The following PCDHA9 variants were observed in gnomAD, a reference collection of about 807,000 sequenced individuals.
PCDHA9 encodes the protein protocadherin alpha-9.
A neutral mutation model predicts 62.0 loss-of-function variants in PCDHA9; 62 were observed. That is an observed-to-expected ratio of 1.00 (90% CI 0.81 to 1.23). The LOEUF is 1.23. PCDHA9 is among the 50% of genes most tolerant of loss of function. The pLI, the probability that PCDHA9 is intolerant of heterozygous loss-of-function variation, is 0.00. For synonymous variants in PCDHA9, 557 were observed against 567.6 expected (o/e 0.98, Z 0.27); for missense variants, 1,205 against 1,249.8 (o/e 0.96, Z 0.54).
chr5:140,998,594 T>A (rs1396456161), intron 3 of PCDHA9, among the ~76,000 whole-genome samples: 4 of 152,076 alleles, frequency 2.6e-5, no homozygotes, highest in Non-Finnish European at 5.9e-5. Context: ...GACAGAGTTT[T>A]GCTCTTGTTG....
At chr5:140,927,174 C>G (rs782406584) in intron 1 of PCDHA9, 2 of 1,614,186 alleles carry the variant, frequency 1.2e-6, no homozygotes, top group Non-Finnish European at 8.5e-7. Context: ...CTGCCTGCGT[C>G]TTGACCTACG....
At chr5:140,856,648 T>C in intron 1 of PCDHA9, 1 of 1,598,290 alleles carries the variant, frequency 6.3e-7, no homozygotes, top group Non-Finnish European at 8.6e-7. Context: ...AGCTGCTGGA[T>C]CGTGAAGAAA....
At chr5:140,869,344 A>G (rs540952410) in intron 1 of PCDHA9, 1 of 1,613,990 alleles carries the variant, frequency 6.2e-7, no homozygotes, top group African/African-American at 1.3e-5. Flanking sequence ...AAATCTGCAG[A>G]ATGGCATTTT....
At chr5:140,876,309 TG>T (rs782243460) in intron 1 of PCDHA9, 8 of 1,613,946 alleles carry the variant, frequency 5.0e-6, no homozygotes, top group Non-Finnish European at 6.8e-6. Flanking sequence ...AAATTTCCTA[TG>T]GGATCAAAAT....
Position 140,979,220 on chromosome 5 carries a change from C to T in PCDHA9, c.2453+213C>T, listed in dbSNP as rs552719327. ...TATCAAGTGCTGGCATATAAGAGTC[C>T]TCTGTAAAATCACAGAAACAGGCTG... On this transcript the variant is annotated intron_variant, in intron 2 of 3. Transcript: ENST00000532602. Among the ~76,000 whole-genome samples, 27 of 152,304 alleles carry T rather than the reference C, an allele frequency of 1.8e-4. 1 individual carries two copies. The highest frequency in any genetic ancestry group is 6.3e-4 in the African/African-American group (26 of 41,574).
intron 1 of PCDHA9, chr5:140,862,812 C>G (rs782335970): frequency 1.7e-6 from 1 of 572,078 alleles, no homozygotes; most frequent in Non-Finnish European, 3.4e-6. Context: ...TGCTGCAGTT[C>G]TAGGTGAGAG....
intron 1 of PCDHA9, among the ~76,000 whole-genome samples, chr5:140,892,438 ATT>A (rs2063515415): frequency 6.6e-6 from 1 of 152,198 alleles, no homozygotes; most frequent in African/African-American, 2.4e-5. Context: ...ATTATCTAAA[ATT>A]TACATGTATT....
chr5:140,933,645 G>A lies in PCDHA9; in HGVS notation c.2395-45304G>A, dbSNP rs1014286392. Among the ~76,000 whole-genome samples the A allele has an allele frequency of 3.3e-5, 5 of 151,892 alleles. No individual in the cohort carries two copies. The South Asian group carries it at 8.3e-4, about 25-fold the overall frequency. On this transcript the variant is annotated intron_variant, in intron 1 of 3. Transcript: ENST00000532602. ...TAGGCTGGCCCTGTTAAACAAGTTG[G>A]AAATCCTGTCTCTCTCTCTGTCTCT...
chr5:140,928,280 C>A, intron 1 of PCDHA9: 1 of 1,614,194 alleles, frequency 6.2e-7, no homozygotes, highest in Non-Finnish European at 8.5e-7. Context: ...CCTGGGGCCT[C>A]TCTAGGCCGA....
At chr5:140,969,374 G>A (rs1554231740) in intron 1 of PCDHA9, 1 of 1,606,076 alleles carries the variant, frequency 6.2e-7, no homozygotes, top group South Asian at 1.1e-5. Flanking sequence ...TCATGCATTT[G>A]TTACACATCC....
At chr5:140,999,454 A>G (rs1467435215) in intron 3 of PCDHA9, among the ~76,000 whole-genome samples, 1 of 152,206 alleles carries the variant, frequency 6.6e-6, no homozygotes, top group African/African-American at 2.4e-5. Context: ...CGTTCAACGA[A>G]TAAGTGGTGA....
intron 1 of PCDHA9, chr5:140,966,987 C>T (rs782372991): frequency 6.2e-7 from 1 of 1,604,132 alleles, no homozygotes; most frequent in South Asian, 1.1e-5. Context: ...CGCTTGGGGC[C>T]GGGTTGCTTG....
chr5:140,848,600 C>A lies in PCDHA9; in HGVS notation c.105C>A (p.Val35=), dbSNP rs2150414065. Residue 35 remains valine (V), a synonymous_variant, in exon 1 of 4, where the codon GTC becomes GTA. Transcript: ENST00000532602. The stretch of plus-strand genomic sequence containing the variant: ...GGAGCGGCCAGCTCCACTACTCCGT[C>A]CCGGAGGAAGCCGAACACGGCACCT... The part of the protein sequence containing the change: ...VVGSGQLHYS[V]PEEAEHGTFV... 2.5e-6 allele frequency: 4 copies of A among 1,593,634 alleles called. 1 individual carries two copies. The highest frequency in any genetic ancestry group is 3.4e-6 in the Non-Finnish European group (4 of 1,164,058).
At chr5:140,875,654 C>G in intron 1 of PCDHA9, 2 of 1,613,702 alleles carry the variant, frequency 1.2e-6, no homozygotes, top group Non-Finnish European at 8.5e-7. Flanking sequence ...GAGCTGGTGC[C>G]GCGCCTGTTC....
chr5:140,921,251 AG>A (rs2080121821), intron 1 of PCDHA9, among the ~76,000 whole-genome samples: 1 of 152,192 alleles, frequency 6.6e-6, no homozygotes. Context: ...CAGATCAAAA[AG>A]TCCTAGACTT....
intron 3 of PCDHA9, among the ~76,000 whole-genome samples, chr5:141,003,770 T>A (rs1365152633): frequency 6.6e-6 from 1 of 152,246 alleles, no homozygotes; most frequent in East Asian, 1.9e-4. Flanking sequence ...TCGTATTCTG[T>A]TAAATAAACT....
intron 1 of PCDHA9, among the ~76,000 whole-genome samples, chr5:140,948,964 T>C (rs2094329348): frequency 6.6e-6 from 1 of 151,790 alleles, no homozygotes; most frequent in Non-Finnish European, 1.5e-5. Context: ...AGCCACGAAT[T>C]TATTAGTATG....
intron 1 of PCDHA9, chr5:140,967,690 C>G (rs782694266): frequency 6.2e-7 from 1 of 1,614,190 alleles, no homozygotes; most frequent in Non-Finnish European, 8.5e-7. Flanking sequence ...GGCAGCTCTT[C>G]AGCATAGATG....
In PCDHA9 at chr5:140,858,056, G is replaced by A; in HGVS notation, c.2394+7167G>A. ...GGCCACTGTGCTTGTGTCGCTTGTG[G>A]AGGGCAGCCAGGCACCCAAGGCCTC... is the stretch of plus-strand genomic sequence containing the variant. On this transcript the variant is annotated intron_variant, in intron 1 of 3. Transcript: ENST00000532602. 1.9e-6 allele frequency: 3 copies of A among 1,597,644 alleles called. 1 individual carries two copies. The highest frequency in any genetic ancestry group is 2.6e-6 in the Non-Finnish European group (3 of 1,167,552).
Sources: gnomAD v4.1 joint callset for allele counts (sites outside exome capture counted in the v4.1 genomes callset) on GRCh38, gnomAD v4.1.1 for gene constraint, MANE v1.5 for transcripts, NCBI Gene and HGNC (gene_info 2026-07-23, HGNC 2026-07-21) for gene names.